The following PPARGC1A variants were observed in gnomAD, a reference collection of about 807,000 sequenced individuals.
The protein encoded by PPARGC1A is PPARG coactivator 1 alpha.
In PPARGC1A, 25 loss-of-function variants were observed where a neutral mutation model predicts 88.7. That is an observed-to-expected ratio of 0.28 (90% CI 0.21 to 0.39). The LOEUF (loss-of-function observed/expected upper bound fraction) is 0.39, where lower values mean the gene tolerates loss of function less well. Among genes scored for constraint, PPARGC1A ranks in the 10% least tolerant of loss-of-function variants. The probability of loss-of-function intolerance (pLI) is 1.00; values close to 1 mark genes in which losing one functional copy is unlikely to be tolerated. For missense variants in PPARGC1A, 880 were observed against 968.7 expected (o/e 0.91, Z 1.22); for synonymous variants, 363 against 355.6 (o/e 1.02, Z -0.24).
chr4:24,238,087 C>A, the PPARGC1A span, among the ~76,000 whole-genome samples: 1 of 152,078 alleles, frequency 6.6e-6, no homozygotes, highest in African/African-American at 2.4e-5. Context: ...ATGTTTTGAG[C>A]CCAAGTTATA....
the PPARGC1A span, among the ~76,000 whole-genome samples, chr4:24,354,907 A>G: frequency 6.6e-6 from 1 of 151,810 alleles, no homozygotes; most frequent in Non-Finnish European, 1.5e-5. Context: ...CAAACAAACA[A>G]AAAACAGAAA....
At chr4:23,930,598 T>TGCTC in the PPARGC1A span, among the ~76,000 whole-genome samples, 2 of 152,210 alleles carry the variant, frequency 1.3e-5, no homozygotes, top group Admixed American at 1.3e-4. Flanking sequence ...CAAAAGAGCA[T>TGCTC]ATATCATTCA....
the PPARGC1A span, among the ~76,000 whole-genome samples, chr4:24,256,092 T>C: frequency 6.6e-6 from 1 of 152,142 alleles, no homozygotes; most frequent in East Asian, 1.9e-4. Flanking sequence ...ATTTTACAGA[T>C]GAAGAAAGTA....
At chr4:24,347,384 TTG>T in the PPARGC1A span, among the ~76,000 whole-genome samples, 2 of 152,016 alleles carry the variant, frequency 1.3e-5, no homozygotes, top group Non-Finnish European at 2.9e-5. Flanking sequence ...ACCACTATTA[TTG>T]TGTCTCATTT....
Position 23,802,209 on chromosome 4 carries a change from C to A in PPARGC1A, c.2141+15G>T. Reference sequence around the variant, plus strand: ...CGTCAGCTTCTAAACAAGAAATAATCTTGAAGATTCTCACCCATCATCCCG... The same window carrying A: ...CGTCAGCTTCTAAACAAGAAATAATATTGAAGATTCTCACCCATCATCCCG... On this transcript the variant is annotated intron_variant, in intron 11 of 12. Coordinates refer to ENST00000264867, the MANE Select transcript of PPARGC1A (RefSeq NM_013261.5). 2 of 1,613,918 alleles carry A rather than the reference C, an allele frequency of 1.2e-6. No homozygotes were observed. The highest frequency in any genetic ancestry group is 1.7e-6 in the Non-Finnish European group (2 of 1,179,912).
chr4:24,021,337 G>T, the PPARGC1A span, among the ~76,000 whole-genome samples: 10 of 152,300 alleles, frequency 6.6e-5, no homozygotes, highest in African/African-American at 2.4e-4. Context: ...AAAGCCCACG[G>T]CTAAGAAGCA....
the PPARGC1A span, among the ~76,000 whole-genome samples, chr4:24,162,742 C>A: frequency 6.6e-6 from 1 of 152,000 alleles, no homozygotes; most frequent in African/African-American, 2.4e-5. Flanking sequence ...CAGGCACCCA[C>A]AACCATGCCC....
the PPARGC1A span, among the ~76,000 whole-genome samples, chr4:24,299,481 T>G: frequency 9.2e-5 from 14 of 152,190 alleles, no homozygotes. Flanking sequence ...CCTGGAGCAG[T>G]AATTTGCTAA....
At chr4:24,150,622 A>T in the PPARGC1A span, among the ~76,000 whole-genome samples, 16 of 152,132 alleles carry the variant, frequency 1.1e-4, no homozygotes, top group Non-Finnish European at 1.6e-4. Context: ...GAATTCCAAA[A>T]ACCCCGCCTA....
chr4:24,435,106 C>T, the PPARGC1A span, among the ~76,000 whole-genome samples: 1 of 152,188 alleles, frequency 6.6e-6, no homozygotes, highest in Non-Finnish European at 1.5e-5. Flanking sequence ...CCTCTTTCTT[C>T]ACGCTGTTGG....
chr4:24,331,095 T>C, the PPARGC1A span, among the ~76,000 whole-genome samples: 1 of 152,142 alleles, frequency 6.6e-6, no homozygotes, highest in Non-Finnish European at 1.5e-5. Flanking sequence ...AACTATACGT[T>C]ATCTCCTTAA....
At chr4:24,115,941 T>G in the PPARGC1A span, among the ~76,000 whole-genome samples, 1 of 152,070 alleles carries the variant, frequency 6.6e-6, no homozygotes, top group Non-Finnish European at 1.5e-5. Flanking sequence ...GATTCCAGCG[T>G]TATGGTGAGG....
the PPARGC1A span, among the ~76,000 whole-genome samples, chr4:24,043,400 AC>A: frequency 6.6e-6 from 1 of 151,698 alleles, no homozygotes; most frequent in Admixed American, 6.6e-5. Flanking sequence ...GAGACTCAAA[AC>A]CCTTATTAGT....
At chr4:23,803,342 T>G (rs1262121883) in intron 10 of PPARGC1A, among the ~76,000 whole-genome samples, 1 of 152,144 alleles carries the variant, frequency 6.6e-6, no homozygotes, top group African/African-American at 2.4e-5. Flanking sequence ...TTTTAAGCCA[T>G]GAGTCTCCGA....
At chr4:24,028,398 T>C in the PPARGC1A span, among the ~76,000 whole-genome samples, 4 of 152,316 alleles carry the variant, frequency 2.6e-5, no homozygotes, top group African/African-American at 9.6e-5. Context: ...ATTTTGTCCT[T>C]GTCAAAATGA....
At chr4:24,342,130 A>T in the PPARGC1A span, among the ~76,000 whole-genome samples, 1 of 152,094 alleles carries the variant, frequency 6.6e-6, no homozygotes, top group African/African-American at 2.4e-5. Flanking sequence ...GCTATTTCTT[A>T]CTCATTTTTG....
chr4:23,926,562 C>T, the PPARGC1A span, among the ~76,000 whole-genome samples: 1 of 152,208 alleles, frequency 6.6e-6, no homozygotes, highest in African/African-American at 2.4e-5. Context: ...AAGGTCTTCT[C>T]TGAGCTGGCC....
the PPARGC1A span, among the ~76,000 whole-genome samples, chr4:24,189,839 G>T: frequency 2.6e-5 from 4 of 152,048 alleles, no homozygotes; most frequent in Admixed American, 2.6e-4. Flanking sequence ...CCACCAGACT[G>T]CCCTGAGCTC....
chr4:24,236,384 A>G, the PPARGC1A span, among the ~76,000 whole-genome samples: 1 of 152,172 alleles, frequency 6.6e-6, no homozygotes, highest in Non-Finnish European at 1.5e-5. Flanking sequence ...ACCTCCCTTT[A>G]TCTTGAAGAC....
Sources: gnomAD v4.1 joint callset for allele counts (sites outside exome capture counted in the v4.1 genomes callset) on GRCh38, gnomAD v4.1.1 for gene constraint, MANE v1.5 for transcripts, NCBI Gene and HGNC (gene_info 2026-07-23, HGNC 2026-07-21) for gene names.